AQR: variants seen among roughly 807,000 people sequenced by gnomAD.
AQR encodes RNA helicase aquarius.
In AQR, 61 loss-of-function variants were observed where a neutral mutation model predicts 180.5. That is an observed-to-expected ratio of 0.34 (90% confidence interval 0.28 to 0.42). AQR has a LOEUF of 0.42. Among genes scored for constraint, AQR ranks in the 10% least tolerant of loss-of-function variants. The pLI, the probability that AQR is intolerant of heterozygous loss-of-function variation, is 1.00. For missense variants in AQR, 1,281 were observed against 1,798.3 expected (o/e 0.71, Z 5.20); for synonymous variants, 551 against 588.8 (o/e 0.94, Z 0.93).
chr15:34,931,430 G>A (rs961426336), intron 11 of AQR, among the ~76,000 whole-genome samples: 12 of 152,108 alleles, frequency 7.9e-5, no homozygotes, highest in African/African-American at 2.9e-4. Flanking sequence ...AGATATAAAA[G>A]AACAAAGGGG....
intron 5 of AQR, among the ~76,000 whole-genome samples, chr15:34,946,482 G>A (rs1354342230): frequency 7.0e-6 from 1 of 143,348 alleles, no homozygotes; most frequent in African/African-American, 2.6e-5. Context: ...GAGGGAGGTG[G>A]GGGGGTCAGC....
chr15:34,964,207 A>G, intron 2 of AQR, 27 bp downstream of exon 2: 1 of 1,518,206 alleles, frequency 6.6e-7, no homozygotes, highest in South Asian at 1.1e-5. Flanking sequence ...ACTTCTCAAG[A>G]ATTATGTTGA....
intron 32 of AQR, among the ~76,000 whole-genome samples, chr15:34,864,420 A>G (rs979339757): frequency 3.9e-5 from 6 of 152,160 alleles, no homozygotes; most frequent in Non-Finnish European, 8.8e-5. Flanking sequence ...TACTGGATTC[A>G]TGAAGGAAAT....
intron 24 of AQR, among the ~76,000 whole-genome samples, chr15:34,889,415 T>C (rs1254283234): frequency 1.3e-5 from 2 of 152,240 alleles, no homozygotes; most frequent in Non-Finnish European, 2.9e-5. Context: ...AAAGGCTACA[T>C]TAAATATGTC....
rs749401544 is a variant in AQR at position 34,932,450 on chromosome 15, A to T, written c.784-16T>A. 3 of 1,512,062 alleles carry T rather than the reference A, an allele frequency of 2.0e-6. No homozygotes were observed. The highest frequency in any genetic ancestry group is 2.7e-6 in the Non-Finnish European group (3 of 1,112,252). 93.7% of individuals were successfully genotyped at this position (1,512,062 alleles called of 1,614,324 possible). A position where few individuals can be genotyped will look rare whatever the true frequency, so the allele number is the denominator to read the frequency against. ...GTAGCAGGGCCTGGGAAAAACAAACATCATAACAGTAAGTTTGCATCTATT... is the reference window on the plus strand; with the variant it reads ...GTAGCAGGGCCTGGGAAAAACAAACTTCATAACAGTAAGTTTGCATCTATT... On this transcript the variant is annotated splice_polypyrimidine_tract_variant and intron_variant, in intron 10 of 34. Coordinates refer to ENST00000156471, the MANE Select transcript of AQR (RefSeq NM_014691.3).
chr15:34,950,719 T>TAGAG (rs1894216128), intron 4 of AQR, among the ~76,000 whole-genome samples: 1 of 152,216 alleles, frequency 6.6e-6, no homozygotes, highest in African/African-American at 2.4e-5. Context: ...TCTCTGCTGT[T>TAGAG]CACTCTTGCT....
At chr15:34,943,078 G>T in intron 6 of AQR, 1 of 1,611,462 alleles carries the variant, frequency 6.2e-7, no homozygotes, top group Non-Finnish European at 8.5e-7. Flanking sequence ...GCTCACGCAA[G>T]CATGGTTAAC....
At chr15:34,881,321 G>C (rs561240482) in intron 27 of AQR, among the ~76,000 whole-genome samples, 2 of 152,194 alleles carry the variant, frequency 1.3e-5, no homozygotes, top group East Asian at 3.9e-4. Flanking sequence ...TTGCATCCAA[G>C]ATAACAATTT....
chr15:34,943,314 A>G (rs760435489), intron 6 of AQR: 23 of 1,526,504 alleles, frequency 1.5e-5, no homozygotes, highest in African/African-American at 2.7e-5. Flanking sequence ...CTGCAGATCT[A>G]AGAGAATGCT....
In AQR at chr15:34,870,662, G is replaced by C. The variant is rs1478238349; in HGVS notation, c.3768+90C>G. On this transcript the variant is annotated intron_variant, in intron 31 of 34. Transcript: ENST00000156471. ...TTCATTTTCTCAAATATCTTAAAAA[G>C]AGATAGCAAAGAGGCAAAGCAGAAC... The C allele has an allele frequency of 4.6e-6, 5 of 1,088,908 alleles. No individual in the cohort carries two copies. In the Admixed American group the frequency reaches 9.0e-5, roughly 20 times the overall value. The allele number at this position is 1,088,908 out of a possible 1,614,324, so 67.5% of individuals were successfully genotyped here. A position where few individuals can be genotyped will look rare whatever the true frequency, so the allele number is the denominator to read the frequency against.
In AQR at chr15:34,965,947, C is replaced by G. The variant is rs2050308125; in HGVS notation, c.76-1657G>C. Among the ~76,000 whole-genome samples the G allele has an allele frequency of 3.3e-5, 5 of 152,304 alleles. No individual in the cohort carries two copies. The South Asian group carries it at 1.0e-3, about 32-fold the overall frequency. On this transcript the variant is annotated intron_variant, in intron 1 of 34. Coordinates refer to ENST00000156471, the MANE Select transcript of AQR (RefSeq NM_014691.3). ...ACATCTGTACTTGATTAAAGATTAG[C>G]AAACATTTATTAAGCATCTATCATG... is the stretch of plus-strand genomic sequence containing the variant.
intron 25 of AQR, 118 bp from the exon 26 acceptor site, chr15:34,884,852 AAT>A: frequency 1.3e-6 from 1 of 757,958 alleles, no homozygotes; most frequent in Non-Finnish European, 2.1e-6. Context: ...AAAGAAATTC[AAT>A]CTTTGATCCA....
chr15:34,940,321 G>A (rs113069262), intron 8 of AQR, among the ~76,000 whole-genome samples: 16 of 152,090 alleles, frequency 1.1e-4, no homozygotes, highest in African/African-American at 3.6e-4. Context: ...ACCTAAGGTC[G>A]GGAGTTTGAG....
At chr15:34,921,427 C>CT in intron 13 of AQR, among the ~76,000 whole-genome samples, 1 of 138,170 alleles carries the variant, frequency 7.2e-6, no homozygotes, top group East Asian at 2.0e-4. Context: ...GAGCGAGACT[C>CT]CATCTCAAAA....
chr15:34,930,409 A>G (rs1893834364), intron 11 of AQR, 38 bp from the exon 12 acceptor site: 1 of 1,210,598 alleles, frequency 8.3e-7, no homozygotes, highest in Non-Finnish European at 1.2e-6. Flanking sequence ...TCATATGAAC[A>G]TAAGGGCAAG....
At position 34,870,800 on chromosome 15, in the gene AQR, G is replaced by A; in HGVS notation, c.3720C>T (p.Ile1240=). ...GATTGTTTCCACATCGTCTATTGAT[G>A]ATGTCGCGAATAAGATGCTTTTGGC... ...YNGQKHLIRD[I]INRRCGNNPL... The change falls in exon 31 of 35, where the codon ATC becomes ATT. Residue 1240 remains isoleucine, a synonymous_variant. Coordinates refer to ENST00000156471, the MANE Select transcript of AQR (RefSeq NM_014691.3). The A allele has an allele frequency of 1.2e-6, 2 of 1,613,326 alleles. No homozygotes were observed. The highest frequency in any genetic ancestry group is 1.7e-6 in the Non-Finnish European group (2 of 1,179,646).
At chr15:34,889,521 A>G (rs1378746862) in intron 24 of AQR, among the ~76,000 whole-genome samples, 1 of 152,240 alleles carries the variant, frequency 6.6e-6, no homozygotes, top group Non-Finnish European at 1.5e-5. Context: ...TGAATGAAAA[A>G]AATTAAAATA....
chr15:34,915,865 G>C (rs892408835), intron 15 of AQR, among the ~76,000 whole-genome samples: 1 of 151,850 alleles, frequency 6.6e-6, no homozygotes, highest in Admixed American at 6.6e-5. Context: ...AGAATCACTT[G>C]AACCCGGGAG....
chr15:34,932,181 T>C, intron 11 of AQR, 137 bp downstream of exon 11: 1 of 643,408 alleles, frequency 1.6e-6, no homozygotes, highest in Non-Finnish European at 2.6e-6. Flanking sequence ...TAAGAATACA[T>C]TCATTTTATA....
Sources: allele counts gnomAD v4.1 joint callset (sites outside exome capture counted in the v4.1 genomes callset), GRCh38; gene constraint gnomAD v4.1.1; transcripts MANE v1.5; gene names NCBI Gene and HGNC (gene_info 2026-07-23, HGNC 2026-07-21).